The following OXLD1 variants were observed in gnomAD, a reference collection of about 807,000 sequenced individuals.
OXLD1 encodes the protein oxidoreductase like domain containing 1.
Under a neutral mutation model 3.1 loss-of-function variants are expected in OXLD1, and 4 were observed. The observed-to-expected ratio is 1.28, with a 90% CI of 0.63 to 2.92. The LOEUF (loss-of-function observed/expected upper bound fraction) is 2.92, where lower values mean the gene tolerates loss of function less well. Ranked by LOEUF, OXLD1 falls within the 30% of genes most tolerant of loss-of-function variation. The probability of loss-of-function intolerance (pLI) is 0.01; values close to 1 mark genes in which losing one functional copy is unlikely to be tolerated. For synonymous variants in OXLD1, 100 were observed against 87.0 expected (o/e 1.15, Z -0.83); for missense variants, 240 against 204.6 (o/e 1.17, Z -1.05).
chr17:81,665,893 C>G, intron 1 of OXLD1: 1 of 458,920 alleles, frequency 2.2e-6, no homozygotes. Context: ...GCTAAGATGG[C>G]TGCTCTGTGG....
At chr17:81,666,357 G>A in intron 1 of OXLD1, 161 bp downstream of exon 1, 1 of 779,242 alleles carries the variant, frequency 1.3e-6, no homozygotes, top group South Asian at 1.9e-5. Context: ...ATGGAGGAGA[G>A]GAGCGAGGGG....
At chr17:81,665,669 T>C (rs1321828084) in intron 1 of OXLD1, 85 bp from the exon 2 acceptor site, 12 of 1,452,950 alleles carry the variant, frequency 8.3e-6, no homozygotes, top group Non-Finnish European at 1.1e-5. Context: ...TCAGCTCTCC[T>C]GTCATTGGGC....
At position 81,665,536 on chromosome 17, in the gene OXLD1, C is replaced by T; in HGVS notation, c.109G>A (p.Gly37Ser). ...SPDCCQRLPG[G>S]GSFLQRHHPG... ...TGGTGCCTTTGAAGAAAGCTGCCAC[C>T]TCCAGGAAGCCTCTGGCAGCAGTCC... Residue 37 changes from glycine to serine, a missense_variant, in exon 2 of 2, where the codon GGT (glycine) becomes AGT (serine). Transcript: ENST00000374741. 2 of 1,607,772 alleles carry T rather than the reference C, an allele frequency of 1.2e-6. No individual in the cohort carries two copies. Among genetic ancestry groups the T allele is most frequent in the South Asian group, 2.2e-5 (2 of 90,802 alleles).
Position 81,666,312 on chromosome 17 carries a change from CCA to C in OXLD1, c.60+204_60+205del, listed in dbSNP as rs1156711333. On this transcript the variant is annotated intron_variant, in intron 1 of 1. Transcript: ENST00000374741. ...CCTCTCCCAAGGCTAAGCGGCCCCT[CCA>C]CAGATTCCGGGGCGGGGACTCGGTA... 26 of 560,128 alleles carry C rather than the reference CCA, an allele frequency of 4.6e-5. No individual in the cohort carries two copies. The South Asian group carries it at 6.4e-4, about 14-fold the overall frequency. The allele number at this position is 560,128 out of a possible 1,614,324, so 34.7% of individuals were successfully genotyped here.
rs866661115 is a variant in OXLD1 at position 81,666,517 on chromosome 17, C to T, written c.60+1G>A. 6.6e-7 allele frequency: 1 copy of T among 1,525,948 alleles called. No homozygotes were observed. Among genetic ancestry groups the T allele is most frequent in the Non-Finnish European group, 8.7e-7 (1 of 1,146,256 alleles). The allele number at this position is 1,525,948 out of a possible 1,614,324, so 94.5% of individuals were successfully genotyped here. ...CTGCCAAGACCCGTCCTGGTACTTGCCGAGCCACGGACCGCGGCGGCTACC... is the reference window on the plus strand; with the variant it reads ...CTGCCAAGACCCGTCCTGGTACTTGTCGAGCCACGGACCGCGGCGGCTACC... On this transcript the variant is annotated splice_donor_variant, in intron 1 of 1. Coordinates refer to ENST00000374741, the MANE Select transcript of OXLD1 (RefSeq NM_001039842.3). LOFTEE classifies it high-confidence loss of function.
rs1382589473 is a variant in OXLD1 at position 81,665,596 on chromosome 17, G to A, written c.61-12C>T. 1 of 1,566,274 alleles carries A rather than the reference G, an allele frequency of 6.4e-7. No individual in the cohort carries two copies. Among genetic ancestry groups the A allele is most frequent in the South Asian group, 1.2e-5 (1 of 85,290 alleles). On this transcript the variant is annotated splice_polypyrimidine_tract_variant and intron_variant, in intron 1 of 1. Coordinates refer to ENST00000374741, the MANE Select transcript of OXLD1 (RefSeq NM_001039842.3). ...AACCGGCGAGCCCCCTGAGGATGCA[G>A]ACAAACATGTGACTCTCCAGGAAGC...
Position 81,666,538 on chromosome 17 carries a change from C to A in OXLD1, c.40G>T (p.Ala14Ser), listed in dbSNP as rs1188658459. Reference sequence around the variant, plus strand: ...CTTGCCGAGCCACGGACCGCGGCGGCTACCGCCCGGCCTCCCTCGACCACC... The same window carrying A: ...CTTGCCGAGCCACGGACCGCGGCGGATACCGCCCGGCCTCCCTCGACCACC... ...RRVVEGGRAV[A>S]AAVRGSGARR... The change falls in exon 1 of 2, where the codon GCC (alanine) becomes TCC (serine). Residue 14 changes from alanine (A) to serine (S), a missense_variant. Coordinates refer to ENST00000374741, the MANE Select transcript of OXLD1 (RefSeq NM_001039842.3). The A allele has an allele frequency of 1.3e-6, 2 of 1,521,860 alleles. No individual in the cohort carries two copies. Among genetic ancestry groups the A allele is most frequent in the African/African-American group, 1.4e-5 (1 of 69,886 alleles). 94.3% of individuals were successfully genotyped at this position (1,521,860 alleles called of 1,614,324 possible). A position where few individuals can be genotyped will look rare whatever the true frequency, so the allele number is the denominator to read the frequency against.
At position 81,665,113 on chromosome 17, in the gene OXLD1, A is replaced by T. The variant is rs1166733477; in HGVS notation, c.*88T>A. ...CTAATTCTTCCTATTCCCGTTGGAC[A>T]CAAGGAGTCTGTGAGGGGGTGTGAA... On this transcript the variant is annotated 3_prime_UTR_variant, in exon 2 of 2. Transcript: ENST00000374741. 15 of 1,424,238 alleles carry T rather than the reference A, an allele frequency of 1.1e-5. No individual in the cohort carries two copies. Among genetic ancestry groups the T allele is most frequent in the Admixed American group, 2.3e-5 (1 of 43,740 alleles). The allele number at this position is 1,424,238 out of a possible 1,614,324, so 88.2% of individuals were successfully genotyped here.
chr17:81,666,389 G>A, intron 1 of OXLD1, 129 bp downstream of exon 1: 1 of 1,135,948 alleles, frequency 8.8e-7, no homozygotes, highest in Non-Finnish European at 1.2e-6. Flanking sequence ...CGGCCAGCGC[G>A]CGATCCTCCC....
At chr17:81,666,345 C>T in intron 1 of OXLD1, 173 bp downstream of exon 1, 2 of 701,564 alleles carry the variant, frequency 2.9e-6, no homozygotes, top group Non-Finnish European at 4.4e-6. Flanking sequence ...CGGTAAGAGC[C>T]GATGGAGGAG....
Position 81,665,461 on chromosome 17 carries a change from CG to C in OXLD1, c.183del (p.His61GlnfsTer2), listed in dbSNP as rs1253992336. On this transcript the variant is annotated frameshift_variant, in exon 2 of 2. Coordinates refer to ENST00000374741, the MANE Select transcript of OXLD1 (RefSeq NM_001039842.3). LOFTEE classifies it low-confidence loss of function (END_TRUNC). ...GCACCTGCTTGGGAGCCCACCTCTACGTGGTCTGTCCCGAATTTTCTGCGCC... is the reference window on the plus strand; with the variant it reads ...GCACCTGCTTGGGAGCCCACCTCTACTGGTCTGTCCCGAATTTTCTGCGCC... ...PDGRRKFGTD[H>X]VEVGSQAGAD... 1 of 1,613,456 alleles carries C rather than the reference CG, an allele frequency of 6.2e-7. No homozygotes were observed.
Position 81,665,195 on chromosome 17 carries a change from G to C in OXLD1, c.*6C>G. 6 of 1,602,564 alleles carry C rather than the reference G, an allele frequency of 3.7e-6. No individual in the cohort carries two copies. Among genetic ancestry groups the C allele is most frequent in the Non-Finnish European group, 4.3e-6 (5 of 1,173,390 alleles). On this transcript the variant is annotated 3_prime_UTR_variant, in exon 2 of 2. Coordinates refer to ENST00000374741, the MANE Select transcript of OXLD1 (RefSeq NM_001039842.3). ...GTCCTGCGGTAGGGAGTCCAGCAGG[G>C]ATGGCTCAGCCTCCGCACCTGGTGT...
Position 81,665,227 on chromosome 17 carries a change from G to A in OXLD1, c.418C>T (p.Arg140Trp), listed in dbSNP as rs756489668. The change falls in exon 2 of 2, where the codon CGG becomes TGG. Residue 140 changes from arginine to tryptophan, a missense_variant. Physicochemically the swap from Arg to Trp is moderately radical, Grantham distance 101. Coordinates refer to ENST00000374741, the MANE Select transcript of OXLD1 (RefSeq NM_001039842.3). ...NLKAFLRMEI[R>W]LHTRCGG ...CAGCCTCCGCACCTGGTGTGCAGCC[G>A]GATCTCCATCCTGAGGAAGGCCTTG... The A allele has an allele frequency of 2.0e-5, 32 of 1,612,302 alleles. No homozygotes were observed. Among genetic ancestry groups the A allele is most frequent in the Admixed American group, 1.2e-4 (7 of 59,930 alleles).
intron 1 of OXLD1, chr17:81,666,120 C>T: frequency 2.3e-6 from 1 of 426,436 alleles, no homozygotes; most frequent in East Asian, 3.5e-5. Context: ...GCTCTATCTA[C>T]CCAGGATCAC....
intron 1 of OXLD1, chr17:81,666,300 T>G: frequency 1.9e-6 from 1 of 530,818 alleles, no homozygotes; most frequent in Non-Finnish European, 3.3e-6. Flanking sequence ...CTCCCAAGGC[T>G]AAGCGGCCCC....
At chr17:81,666,086 T>C (rs1157541135) in intron 1 of OXLD1, 3 of 422,042 alleles carry the variant, frequency 7.1e-6, no homozygotes, top group Non-Finnish European at 1.3e-5. Context: ...GAATGTCCTA[T>C]AGGCAGTCTT....
Position 81,666,579 on chromosome 17 carries a change from G to A in OXLD1, c.-2C>T, listed in dbSNP as rs537914040. On this transcript the variant is annotated 5_prime_UTR_variant, in exon 1 of 2. Transcript: ENST00000374741. ...CTCGACCACCCTCCGCAGCAGCATC[G>A]CCCGCGGACGGGATCCGGCAACCCC... 25 of 1,459,892 alleles carry A rather than the reference G, an allele frequency of 1.7e-5. No individual in the cohort carries two copies. In the African/African-American group the frequency reaches 3.4e-4, roughly 20 times the overall value. The allele number at this position is 1,459,892 out of a possible 1,614,324, so 90.4% of individuals were successfully genotyped here. A position where few individuals can be genotyped will look rare whatever the true frequency, so the allele number is the denominator to read the frequency against.
At chr17:81,666,460 G>A (rs2036622882) in intron 1 of OXLD1, 58 bp downstream of exon 1, 1 of 1,516,820 alleles carries the variant, frequency 6.6e-7, no homozygotes, top group Non-Finnish European at 8.8e-7. Context: ...GCGGGCCCCC[G>A]GACAGCGGCC....
rs758805163 is a variant in OXLD1, at chr17:81,665,408, C to A, written c.237G>T (p.Ser79=). 9.9e-6 allele frequency: 16 copies of A among 1,613,378 alleles called. No homozygotes were observed. In the South Asian group the frequency reaches 1.6e-4, roughly 17 times the overall value. ...TGGGCGGCTGGAGCTCAGGTGGCAG[C>A]GATGCCTTGGGCGGCCTGGTGCCGT... ...GADGTRPPKA[S]LPPELQPPTN... is the part of the protein sequence containing the mutation. Residue 79 remains serine (S), a synonymous_variant, in exon 2 of 2, where the codon TCG becomes TCT. Coordinates refer to ENST00000374741, the MANE Select transcript of OXLD1 (RefSeq NM_001039842.3).
Sources: gnomAD v4.1 joint callset for allele counts on GRCh38, gnomAD v4.1.1 for gene constraint, MANE v1.5 for transcripts, NCBI Gene and HGNC (gene_info 2026-07-23, HGNC 2026-07-21) for gene names.